Variants in TRPM3 observed in about 807,000 individuals in gnomAD.
The protein encoded by TRPM3 is transient receptor potential cation channel subfamily M member 3.
A neutral mutation model predicts 181.2 loss-of-function variants in TRPM3; 77 were observed. The ratio of observed to expected loss-of-function variants is 0.42; its 90% CI spans 0.35 to 0.51. The LOEUF (loss-of-function observed/expected upper bound fraction) is 0.51, where lower values mean the gene tolerates loss of function less well. Ranked by LOEUF, TRPM3 falls within the 20% of genes least tolerant of loss-of-function variation. The pLI is 0.01. For synonymous variants in TRPM3, 745 were observed against 796.4 expected (o/e 0.94, Z 1.09); for missense variants, 1,759 against 2,196.7 (o/e 0.80, Z 3.98).
chr9:71,103,758 G>A (rs1285393322), intron 1 of TRPM3, among the ~76,000 whole-genome samples: 3 of 152,090 alleles, frequency 2.0e-5, no homozygotes, highest in Non-Finnish European at 4.4e-5. Context: ...CATGCAGTAT[G>A]GCATCTCACG....
intron 1 of TRPM3, among the ~76,000 whole-genome samples, chr9:71,394,629 T>C (rs2093146335): frequency 6.6e-6 from 1 of 152,224 alleles, no homozygotes; most frequent in Admixed American, 6.5e-5. Flanking sequence ...TTTTGGTTGC[T>C]ATGTTGCTCT....
intron 1 of TRPM3, among the ~76,000 whole-genome samples, chr9:71,384,344 A>G (rs2092877361): frequency 6.6e-6 from 1 of 152,244 alleles, no homozygotes; most frequent in Admixed American, 6.6e-5. Context: ...AAGCATTAGA[A>G]CAAATGGAAT....
intron 1 of TRPM3, among the ~76,000 whole-genome samples, chr9:71,401,093 G>T (rs925397741): frequency 6.6e-6 from 1 of 151,074 alleles, no homozygotes; most frequent in Non-Finnish European, 1.5e-5. Context: ...AGCTACTCGG[G>T]AGGCTGAGGC....
chr9:71,167,184 G>T (rs529522031), intron 1 of TRPM3, among the ~76,000 whole-genome samples: 1 of 152,272 alleles, frequency 6.6e-6, no homozygotes, highest in South Asian at 2.1e-4. Context: ...GCTAGTCAAT[G>T]GTTGGTTTAA....
chr9:71,257,992 A>G (rs999441420), intron 1 of TRPM3, among the ~76,000 whole-genome samples: 1 of 152,200 alleles, frequency 6.6e-6, no homozygotes, highest in Non-Finnish European at 1.5e-5. Flanking sequence ...GTACTCATTC[A>G]GTAAGTATTT....
intron 1 of TRPM3, among the ~76,000 whole-genome samples, chr9:71,339,867 C>T (rs763697778): frequency 1.2e-4 from 18 of 152,138 alleles, no homozygotes; most frequent in Non-Finnish European, 1.5e-4. Context: ...ACACAACAGA[C>T]GTTTTTGGTA....
chr9:70,783,043 G>C (rs2082802264), intron 7 of TRPM3, among the ~76,000 whole-genome samples: 1 of 152,132 alleles, frequency 6.6e-6, no homozygotes, highest in African/African-American at 2.4e-5. Flanking sequence ...GGGTACGAGA[G>C]GGATGGAGGA....
At chr9:71,164,267 T>G (rs1238116803) in intron 1 of TRPM3, among the ~76,000 whole-genome samples, 2 of 152,224 alleles carry the variant, frequency 1.3e-5, no homozygotes, top group African/African-American at 4.8e-5. Flanking sequence ...CAATTTGAAA[T>G]GGTTCACGGA....
intron 1 of TRPM3, among the ~76,000 whole-genome samples, chr9:70,968,348 A>G (rs988735177): frequency 6.6e-6 from 1 of 151,668 alleles, no homozygotes; most frequent in East Asian, 1.9e-4. Flanking sequence ...GGTACTGAAG[A>G]CTCTCCCGGA....
At chr9:71,386,500 C>A (rs1422224097) in intron 1 of TRPM3, among the ~76,000 whole-genome samples, 6 of 151,444 alleles carry the variant, frequency 4.0e-5, no homozygotes, top group Non-Finnish European at 8.8e-5. Context: ...TTCCGAAGAG[C>A]TGAGTTGGCA....
At chr9:71,404,199 C>A (rs536508100) in intron 1 of TRPM3, among the ~76,000 whole-genome samples, 3 of 152,148 alleles carry the variant, frequency 2.0e-5, no homozygotes, top group African/African-American at 7.2e-5. Flanking sequence ...TGGCATCGTG[C>A]CTAAATAAGT....
At chr9:71,067,334 C>T (rs894101219) in intron 1 of TRPM3, among the ~76,000 whole-genome samples, 3 of 152,136 alleles carry the variant, frequency 2.0e-5, no homozygotes, top group African/African-American at 7.2e-5. Context: ...GAGATAACTG[C>T]TGTTGATCTT....
intron 1 of TRPM3, 76 bp from the exon 2 acceptor site, chr9:70,864,587 G>C: frequency 9.3e-7 from 1 of 1,077,690 alleles, no homozygotes; most frequent in Non-Finnish European, 1.2e-6. Flanking sequence ...TTTTTAACTA[G>C]AAAGCAAAAT....
intron 1 of TRPM3, among the ~76,000 whole-genome samples, chr9:71,276,565 T>C (rs73647999): frequency 0.015 from 2,237 of 152,296 alleles, 64 homozygotes; most frequent in African/African-American, 0.051. Context: ...TTACAATGTG[T>C]TGACCCTTTT....
intron 1 of TRPM3, among the ~76,000 whole-genome samples, chr9:71,029,067 T>C (rs1040359241): frequency 6.6e-6 from 1 of 152,006 alleles, no homozygotes; most frequent in African/African-American, 2.4e-5. Context: ...ATTGAAATTA[T>C]ACCAACCACT....
intron 1 of TRPM3, among the ~76,000 whole-genome samples, chr9:71,003,916 C>T (rs2134267360): frequency 6.6e-6 from 1 of 152,278 alleles, no homozygotes; most frequent in African/African-American, 2.4e-5. Flanking sequence ...CTGTGCCACA[C>T]CCTCCTCCAA....
intron 1 of TRPM3, among the ~76,000 whole-genome samples, chr9:71,218,269 A>G (rs1022759394): frequency 5.9e-5 from 9 of 152,198 alleles, no homozygotes; most frequent in African/African-American, 2.2e-4. Flanking sequence ...AGACTCAAAA[A>G]CAACAATGAC....
intron 1 of TRPM3, among the ~76,000 whole-genome samples, chr9:71,101,471 G>T (rs996262149): frequency 2.0e-5 from 3 of 152,172 alleles, no homozygotes; most frequent in African/African-American, 7.2e-5. Flanking sequence ...GTGTGTATGT[G>T]TAAGTGAAGA....
intron 1 of TRPM3, among the ~76,000 whole-genome samples, chr9:71,009,927 T>TTTATTCAGTTG (rs2097718268): frequency 6.6e-6 from 1 of 152,080 alleles, no homozygotes; most frequent in Non-Finnish European, 1.5e-5. Flanking sequence ...AATAAATTCA[T>TTTATTCAGTTG]GCATTTAAAG....
Sources: gnomAD v4.1 joint callset for allele counts (sites outside exome capture counted in the v4.1 genomes callset) on GRCh38, gnomAD v4.1.1 for gene constraint, MANE v1.5 for transcripts, NCBI Gene and HGNC (gene_info 2026-07-23, HGNC 2026-07-21) for gene names.